The following ERMP1 variants were observed in gnomAD, a reference collection of about 807,000 sequenced individuals.
ERMP1 encodes the protein endoplasmic reticulum metallopeptidase 1.
A neutral mutation model predicts 92.0 loss-of-function variants in ERMP1; 86 were observed. The ratio of observed to expected loss-of-function variants is 0.93; its 90% CI spans 0.79 to 1.12. The LOEUF (loss-of-function observed/expected upper bound fraction) is 1.12. Among genes scored for constraint, ERMP1 ranks in the 50% most tolerant of loss-of-function variants. The probability of loss-of-function intolerance (pLI) is 0.00; values close to 1 mark genes in which losing one functional copy is unlikely to be tolerated. For synonymous variants in ERMP1, 530 were observed against 412.8 expected (o/e 1.28, Z -3.44); for missense variants, 1,342 against 1,116.3 (o/e 1.20, Z -2.88).
At chr9:5,861,168 GGGGTGTGTGTGTGTGTGTGTGTGTGTGT>G (rs1830476999) in intron 5 of ERMP1, among the ~76,000 whole-genome samples, 1 of 117,556 alleles carries the variant, frequency 8.5e-6, no homozygotes, top group Non-Finnish European at 1.8e-5. Context: ...AATGGCTTAG[GGGGTGTGTGTGTGTGTGTGTGTGTGTGT>G]GTGTGTGTGT....
chr9:5,805,526 A>G (rs1828836808), intron 9 of ERMP1, 85 bp downstream of exon 9: 3 of 1,294,276 alleles, frequency 2.3e-6, no homozygotes, highest in Non-Finnish European at 3.1e-6. Flanking sequence ...AGCCTACCCA[A>G]TAAAACCAAA....
chr9:5,831,929 C>T (rs1374495438), intron 1 of ERMP1, among the ~76,000 whole-genome samples: 3 of 152,056 alleles, frequency 2.0e-5, no homozygotes, highest in Admixed American at 1.3e-4. Context: ...TCAGAAAGTC[C>T]TTAATAAGCT....
At chr9:5,793,147 A>C (rs1455120579) in intron 13 of ERMP1, among the ~76,000 whole-genome samples, 6 of 152,094 alleles carry the variant, frequency 3.9e-5, no homozygotes, top group African/African-American at 1.4e-4. Flanking sequence ...CTGGAAGGAG[A>C]AATTAGGATT....
chr9:5,827,619 T>C (rs1162662301), intron 2 of ERMP1, among the ~76,000 whole-genome samples: 1 of 152,080 alleles, frequency 6.6e-6, no homozygotes, highest in Non-Finnish European at 1.5e-5. Context: ...CCCAGCACTT[T>C]GGGAGGCCAA....
intron 11 of ERMP1, among the ~76,000 whole-genome samples, chr9:5,800,424 C>T (rs1174086166): frequency 6.6e-6 from 1 of 152,136 alleles, no homozygotes; most frequent in East Asian, 1.9e-4. Flanking sequence ...CCTGTAATCC[C>T]AAGCACTTTG....
At chr9:5,790,084 T>C (rs1055002416) in intron 13 of ERMP1, among the ~76,000 whole-genome samples, 2 of 151,826 alleles carry the variant, frequency 1.3e-5, no homozygotes, top group Admixed American at 6.6e-5. Context: ...GTAATAAAAA[T>C]TGGATGGAAA....
At chr9:5,857,054 T>C (rs1028865502) in intron 6 of ERMP1, among the ~76,000 whole-genome samples, 5 of 152,160 alleles carry the variant, frequency 3.3e-5, no homozygotes, top group African/African-American at 1.2e-4. Flanking sequence ...AGGGTCTTAC[T>C]CTGTCACCCA....
chr9:5,853,456 C>T (rs1410633138), intron 6 of ERMP1, among the ~76,000 whole-genome samples: 2 of 150,826 alleles, frequency 1.3e-5, no homozygotes, highest in African/African-American at 2.4e-5. Flanking sequence ...TGTTGATCTC[C>T]CAGAAGAGCC....
chr9:5,809,895 A>C (rs1829024242), intron 8 of ERMP1, 116 bp downstream of exon 8: 1 of 685,420 alleles, frequency 1.5e-6, no homozygotes, highest in Non-Finnish European at 2.5e-6. Context: ...GTTTTCCATA[A>C]CCATGCTGAA....
upstream of ERMP1, among the ~76,000 whole-genome samples, chr9:5,835,321 G>C (rs574745353): frequency 1.3e-5 from 2 of 151,458 alleles, no homozygotes; most frequent in Non-Finnish European, 2.9e-5. Context: ...TACCTTCAGA[G>C]AGCTTACATT....
chr9:5,791,536 G>A (rs1280626686), intron 13 of ERMP1, among the ~76,000 whole-genome samples: 2 of 152,152 alleles, frequency 1.3e-5, no homozygotes, highest in East Asian at 3.8e-4. Context: ...TACCCAAGTT[G>A]ACACATAAAA....
intron 1 of ERMP1, among the ~76,000 whole-genome samples, chr9:5,831,976 C>T (rs994874159): frequency 1.3e-5 from 2 of 151,980 alleles, no homozygotes; most frequent in South Asian, 4.1e-4. Context: ...CTTTTTAGAA[C>T]ACAGTAGCTG....
chr9:5,845,473 A>T (rs1830223925), intron 6 of ERMP1, among the ~76,000 whole-genome samples: 1 of 152,140 alleles, frequency 6.6e-6, no homozygotes, highest in Admixed American at 6.5e-5. Flanking sequence ...GAGAGAGAAT[A>T]ACTTATTCAA....
At chr9:5,810,266 T>C (rs1292078476) in intron 7 of ERMP1, 35 bp from the exon 8 acceptor site, 10 of 1,508,216 alleles carry the variant, frequency 6.6e-6, no homozygotes, top group Non-Finnish European at 9.2e-6. Context: ...GAAATCACCA[T>C]CTTCATCAAA....
At chr9:5,858,226 C>T (rs2129773732) in intron 6 of ERMP1, among the ~76,000 whole-genome samples, 1 of 152,072 alleles carries the variant, frequency 6.6e-6, no homozygotes, top group East Asian at 1.9e-4. Flanking sequence ...TGCCTGGAAC[C>T]CAGATTGGGG....
intron 2 of ERMP1, among the ~76,000 whole-genome samples, chr9:5,828,497 T>G (rs1343893618): frequency 1.3e-5 from 2 of 152,186 alleles, no homozygotes; most frequent in Non-Finnish European, 2.9e-5. Context: ...ATATAACACT[T>G]TACTAACTAA....
intron 5 of ERMP1, among the ~76,000 whole-genome samples, chr9:5,863,055 C>T (rs1340608656): frequency 1.3e-5 from 2 of 152,170 alleles, no homozygotes; most frequent in African/African-American, 4.8e-5. Context: ...GGAAACCCAG[C>T]TCCTGGGGCA....
At chr9:5,857,369 T>C (rs1238665864) in intron 6 of ERMP1, among the ~76,000 whole-genome samples, 1 of 152,176 alleles carries the variant, frequency 6.6e-6, no homozygotes, top group African/African-American at 2.4e-5. Context: ...AGAGTCTGTG[T>C]CACTTTGTTT....
chr9:5,847,214 A>G (rs1288801898), intron 6 of ERMP1, among the ~76,000 whole-genome samples: 1 of 152,156 alleles, frequency 6.6e-6, no homozygotes, highest in African/African-American at 2.4e-5. Context: ...AGAATTTTGC[A>G]TCTATGTTAT....
Sources: gnomAD v4.1 joint callset for allele counts (sites outside exome capture counted in the v4.1 genomes callset) on GRCh38, gnomAD v4.1.1 for gene constraint, MANE v1.5 for transcripts, NCBI Gene and HGNC (gene_info 2026-07-23, HGNC 2026-07-21) for gene names.